Variants in VTI1A observed in about 807,000 individuals in gnomAD.
The protein encoded by VTI1A is vesicle transport through interaction with t-SNAREs 1A.
Under a neutral mutation model 34.9 loss-of-function variants are expected in VTI1A, and 22 were observed. The ratio of observed to expected loss-of-function variants is 0.63; its 90% CI spans 0.45 to 0.90. The LOEUF is 0.90. Ranked by LOEUF, VTI1A falls within the 40% of genes least tolerant of loss-of-function variation. The pLI, the probability that VTI1A is intolerant of heterozygous loss-of-function variation, is 0.00. For synonymous variants in VTI1A, 87 were observed against 97.3 expected, an observed-to-expected ratio of 0.89 and a Z score of 0.62; for missense variants, 268 against 275.6, an observed-to-expected ratio of 0.97 and a Z score of 0.20.
At chr10:112,704,163 C>T (rs188275008) in intron 7 of VTI1A, among the ~76,000 whole-genome samples, 266 of 152,246 alleles carry the variant, frequency 1.7e-3, no homozygotes, top group Admixed American at 3.5e-3. Flanking sequence ...TAAGGCAATT[C>T]GTATTAACAA....
At chr10:112,820,078 C>T (rs576730560), downstream of VTI1A, among the ~76,000 whole-genome samples, 3 of 152,330 alleles carry the variant, frequency 2.0e-5, no homozygotes, top group South Asian at 6.2e-4. Context: ...GCCTGGCAGG[C>T]ACGAGCCAGG....
chr10:112,660,250 G>A (rs1032522784), intron 5 of VTI1A, among the ~76,000 whole-genome samples: 45 of 152,228 alleles, frequency 3.0e-4, no homozygotes, highest in African/African-American at 1.1e-3. Flanking sequence ...ACAGGCGCAC[G>A]CCACCATGCC....
intron 7 of VTI1A, among the ~76,000 whole-genome samples, chr10:112,736,474 G>C (rs1034767349): frequency 2.6e-5 from 4 of 152,240 alleles, no homozygotes; most frequent in Admixed American, 1.3e-4. Context: ...AGATGGGTAG[G>C]TGGGTGGGTG....
intron 7 of VTI1A, chr10:112,737,425 ATGAAC>A: frequency 1.5e-5 from 16 of 1,036,712 alleles, no homozygotes; most frequent in Non-Finnish European, 1.7e-5. Context: ...AATGACAAAA[ATGAAC>A]TGAACAAAAA....
intron 1 of VTI1A, among the ~76,000 whole-genome samples, chr10:112,458,690 A>T (rs1276429933): frequency 6.7e-6 from 1 of 150,142 alleles, no homozygotes; most frequent in Admixed American, 6.6e-5. Flanking sequence ...TTTTTGAGAC[A>T]GAGTCCCGCA....
intron 5 of VTI1A, among the ~76,000 whole-genome samples, chr10:112,607,720 A>C (rs554420897): frequency 6.6e-6 from 1 of 152,130 alleles, no homozygotes; most frequent in South Asian, 2.1e-4. Context: ...TCATGAGGTT[A>C]TAATTAACTG....
intron 5 of VTI1A, among the ~76,000 whole-genome samples, chr10:112,543,692 C>T (rs919236857): frequency 3.9e-5 from 6 of 152,266 alleles, no homozygotes; most frequent in Non-Finnish European, 5.9e-5. Context: ...AATTAGATCC[C>T]GTTTGTCAAT....
chr10:112,657,096 C>G (rs963182242), intron 5 of VTI1A, among the ~76,000 whole-genome samples: 10 of 152,150 alleles, frequency 6.6e-5, no homozygotes, highest in Non-Finnish European at 1.5e-4. Flanking sequence ...CACTATGCTT[C>G]CTGTTCAGCC....
intron 7 of VTI1A, among the ~76,000 whole-genome samples, chr10:112,746,860 A>T (rs1365603128): frequency 6.6e-6 from 1 of 152,230 alleles, no homozygotes; most frequent in Non-Finnish European, 1.5e-5. Context: ...CCGAACTAGA[A>T]GGTTGCATGA....
rs184372423 is a variant in VTI1A, at chr10:112,627,988, C to T, written c.428-40230C>T. 3.9e-5 allele frequency among the ~76,000 whole-genome samples: 6 copies of T among 152,212 alleles called. No individual in the cohort carries two copies. The East Asian group carries it at 5.8e-4, about 15-fold the overall frequency. ...GAGTCACATGAGAAAATGAGCCCCG[C>T]GCGTGTGTTGGAGAAGTGGACGCCA... On this transcript the variant is annotated intron_variant, in intron 5 of 7. Transcript: ENST00000393077.
chr10:112,737,566 G>A (rs1242849344), intron 7 of VTI1A: 2 of 1,048,902 alleles, frequency 1.9e-6, no homozygotes, highest in Admixed American at 1.1e-4. Flanking sequence ...CATTCCCAGG[G>A]GGCGGCAGGG....
At chr10:112,691,602 C>T (rs1273402420) in intron 7 of VTI1A, among the ~76,000 whole-genome samples, 1 of 152,160 alleles carries the variant, frequency 6.6e-6, no homozygotes, top group Non-Finnish European at 1.5e-5. Context: ...CAAATGAAAG[C>T]AAATCTCAGC....
chr10:112,482,610 C>T (rs922330761), intron 3 of VTI1A, among the ~76,000 whole-genome samples: 5 of 152,102 alleles, frequency 3.3e-5, no homozygotes, highest in Admixed American at 1.3e-4. Context: ...AAAATAGTCT[C>T]TTTGCATTAA....
chr10:112,777,927 AC>A (rs1851998941), intron 7 of VTI1A, among the ~76,000 whole-genome samples: 1 of 151,992 alleles, frequency 6.6e-6, no homozygotes, highest in African/African-American at 2.4e-5. Flanking sequence ...ACATGGAGAA[AC>A]CCCGTCTCTA....
At chr10:112,745,674 T>C (rs1850872305) in intron 7 of VTI1A, among the ~76,000 whole-genome samples, 1 of 152,244 alleles carries the variant, frequency 6.6e-6, no homozygotes, top group African/African-American at 2.4e-5. Context: ...ACACCGATGC[T>C]GTCCAACATG....
intron 7 of VTI1A, among the ~76,000 whole-genome samples, chr10:112,777,960 G>A (rs1387041431): frequency 6.6e-6 from 1 of 151,986 alleles, no homozygotes; most frequent in Non-Finnish European, 1.5e-5. Context: ...AAATTAGCCG[G>A]GCATGGTGGC....
At chr10:112,804,519 T>C (rs1201260515) in intron 7 of VTI1A, among the ~76,000 whole-genome samples, 6 of 152,232 alleles carry the variant, frequency 3.9e-5, no homozygotes, top group Non-Finnish European at 1.5e-5. Flanking sequence ...GGGTGGTTTG[T>C]GAGTTGGCTG....
chr10:112,702,424 CGTTT>C (rs936877483), intron 7 of VTI1A, among the ~76,000 whole-genome samples: 4 of 152,040 alleles, frequency 2.6e-5, no homozygotes, highest in African/African-American at 4.8e-5. Context: ...TTTGCTTGTT[CGTTT>C]GTTTGTTTTC....
At chr10:112,535,546 G>A (rs1200956848) in intron 4 of VTI1A, among the ~76,000 whole-genome samples, 3 of 152,180 alleles carry the variant, frequency 2.0e-5, no homozygotes, top group African/African-American at 7.2e-5. Context: ...AAGGGAGCAT[G>A]CTTGGAGGCA....
Sources: gnomAD v4.1 joint callset for allele counts (sites outside exome capture counted in the v4.1 genomes callset) on GRCh38, gnomAD v4.1.1 for gene constraint, MANE v1.5 for transcripts, NCBI Gene and HGNC (gene_info 2026-07-23, HGNC 2026-07-21) for gene names.